Variants in WNT5A observed in about 807,000 individuals in gnomAD.
WNT5A encodes protein Wnt-5a.
A neutral mutation model predicts 42.1 loss-of-function variants in WNT5A; 9 were observed. That is an observed-to-expected ratio of 0.21 (90% CI 0.13 to 0.37). WNT5A has a LOEUF of 0.37. Ranked by LOEUF, WNT5A falls within the 10% of genes least tolerant of loss-of-function variation. The pLI is 1.00. For missense variants in WNT5A, 426 were observed against 534.0 expected, an observed-to-expected ratio of 0.80 and a Z score of 1.99; for synonymous variants, 210 against 210.0, an observed-to-expected ratio of 1.00 and a Z score of 0.00.
intron 4 of WNT5A, among the ~76,000 whole-genome samples, chr3:55,471,518 A>G (rs2051251953): frequency 6.6e-6 from 1 of 152,226 alleles, no homozygotes; most frequent in Non-Finnish European, 1.5e-5. Flanking sequence ...TGTTATAAGG[A>G]TAAAATTAGG....
intron 2 of WNT5A, 139 bp downstream of exon 2, chr3:55,480,646 A>G (rs2051439688): frequency 5.6e-6 from 5 of 900,756 alleles, no homozygotes; most frequent in Non-Finnish European, 7.6e-6. Flanking sequence ...TTAAAACTAT[A>G]TATAAGTAAA....
chr3:55,473,520 G>A (rs1459492607), intron 4 of WNT5A, among the ~76,000 whole-genome samples: 1 of 152,202 alleles, frequency 6.6e-6, no homozygotes, highest in Non-Finnish European at 1.5e-5. Flanking sequence ...CCCACCAGGG[G>A]AAGGAAAGAG....
In WNT5A at chr3:55,468,622, A is replaced by ATATATTTATATT. The variant is rs538418882; in HGVS notation, c.*1458_*1469dup. 2 of 150,220 alleles carry ATATATTTATATT rather than the reference A, an allele frequency of 1.3e-5. No homozygotes were observed. Among genetic ancestry groups the ATATATTTATATT allele is most frequent in the African/African-American group, 2.4e-5 (1 of 41,094 alleles). The allele number at this position is 150,220 out of a possible 1,614,324, so 9.3% of individuals were successfully genotyped here. On this transcript the variant is annotated 3_prime_UTR_variant, in exon 5 of 5. Coordinates refer to ENST00000264634, the MANE Select transcript of WNT5A (RefSeq NM_003392.7). ...AATCTAAATCACTGGCTGCAATGAG[A>ATATATTTATATT]TATATTTATATTTATATTTATATAT...
Position 55,487,011 on chromosome 3 carries a change from G to C in WNT5A, c.-26C>G. 1 of 1,610,636 alleles carries C rather than the reference G, an allele frequency of 6.2e-7. No homozygotes were observed. Among genetic ancestry groups the C allele is most frequent in the Non-Finnish European group, 8.5e-7 (1 of 1,178,556 alleles). On this transcript the variant is annotated 5_prime_UTR_variant, in exon 1 of 5. Transcript: ENST00000264634. Reference sequence around the variant, plus strand: ...GGCGAGGGGGAGGGGGCGCGGGGAGGAAGTCGCCACCCGAGCGAGCGCAGC... The same window carrying C: ...GGCGAGGGGGAGGGGGCGCGGGGAGCAAGTCGCCACCCGAGCGAGCGCAGC...
At chr3:55,492,553 A>G (rs2051671387), upstream of WNT5A, among the ~76,000 whole-genome samples, 1 of 152,158 alleles carries the variant, frequency 6.6e-6, no homozygotes, top group Admixed American at 6.5e-5. Context: ...GAATCTGGAG[A>G]AAAACGAGGA....
At chr3:55,499,174 G>A in the WNT5A span, among the ~76,000 whole-genome samples, 1 of 152,214 alleles carries the variant, frequency 6.6e-6, no homozygotes, top group Non-Finnish European at 1.5e-5. Context: ...TTCCCTGCTG[G>A]GATTTGGATA....
At chr3:55,471,164 G>A (rs1481474362) in intron 4 of WNT5A, among the ~76,000 whole-genome samples, 1 of 152,170 alleles carries the variant, frequency 6.6e-6, no homozygotes, top group African/African-American at 2.4e-5. Flanking sequence ...CTGTGCACCA[G>A]GCACTATAAG....
chr3:55,503,016 C>G, the WNT5A span, among the ~76,000 whole-genome samples: 1 of 152,214 alleles, frequency 6.6e-6, no homozygotes, highest in Non-Finnish European at 1.5e-5. Context: ...GTCCAAAACT[C>G]TTGCTCTCAA....
the WNT5A span, among the ~76,000 whole-genome samples, chr3:55,497,757 C>T: frequency 7.2e-5 from 11 of 151,930 alleles, no homozygotes; most frequent in African/African-American, 2.4e-4. Context: ...AATCAAAAGC[C>T]GTGATTCCTG....
intron 3 of WNT5A, among the ~76,000 whole-genome samples, chr3:55,475,709 G>A (rs1421610164): frequency 6.6e-6 from 1 of 152,066 alleles, no homozygotes; most frequent in East Asian, 1.9e-4. Flanking sequence ...GGGAAAAGAG[G>A]GAGGGAGAAG....
chr3:55,472,878 T>A (rs2051279114), intron 4 of WNT5A, among the ~76,000 whole-genome samples: 1 of 152,190 alleles, frequency 6.6e-6, no homozygotes, highest in South Asian at 2.1e-4. Flanking sequence ...TTAAACCAAA[T>A]GAAATTGTTA....
rs2051150851 is a variant in WNT5A at position 55,466,756 on chromosome 3, G to A, written c.*3336C>T. 6.6e-6 allele frequency: 1 copy of A among 152,558 alleles called. No individual in the cohort carries two copies. Among genetic ancestry groups the A allele is most frequent in the Non-Finnish European group, 1.5e-5 (1 of 68,012 alleles). The allele number at this position is 152,558 out of a possible 1,614,324, so 9.5% of individuals were successfully genotyped here. On this transcript the variant is annotated 3_prime_UTR_variant, in exon 5 of 5. Transcript: ENST00000264634. ...ATCGGGTATATGTTTTTGCAATAAA[G>A]AACACTGGTCAATATACAACTGAGG...
In WNT5A at chr3:55,483,017, C is replaced by T. The variant is rs1021593862; in HGVS notation, c.7-2099G>A. ...CGCGTGCACTTTCCAAGCTTCGCGGCGAGCGGGGCGCGTGGGGCGGGGCTC... is the reference window on the plus strand; with the variant it reads ...CGCGTGCACTTTCCAAGCTTCGCGGTGAGCGGGGCGCGTGGGGCGGGGCTC... On this transcript the variant is annotated intron_variant, in intron 1 of 4. Transcript: ENST00000264634. The surrounding 1 kb of genome is among the most constrained non-coding windows in gnomAD (Gnocchi z 4.2). Among the ~76,000 whole-genome samples, 4 of 152,214 alleles carry T rather than the reference C, an allele frequency of 2.6e-5. No homozygotes were observed. The highest frequency in any genetic ancestry group is 7.2e-5 in the African/African-American group (3 of 41,466).
intron 1 of WNT5A, among the ~76,000 whole-genome samples, chr3:55,482,805 G>A (rs931745390): frequency 5.3e-5 from 8 of 152,208 alleles, no homozygotes; most frequent in African/African-American, 1.4e-4. Flanking sequence ...CCAGGGGAGG[G>A]AGTGGGCTGC....
chr3:55,484,811 T>G (rs1196819551), intron 1 of WNT5A, among the ~76,000 whole-genome samples: 1 of 152,036 alleles, frequency 6.6e-6, no homozygotes, highest in Non-Finnish European at 1.5e-5. Flanking sequence ...GCAGAGTCCT[T>G]GGACAGAGGA....
the WNT5A span, among the ~76,000 whole-genome samples, chr3:55,499,178 T>C: frequency 2.6e-5 from 4 of 152,332 alleles, no homozygotes; most frequent in East Asian, 7.7e-4. Flanking sequence ...CTGCTGGGAT[T>C]TGGATAGCCT....
the WNT5A span, among the ~76,000 whole-genome samples, chr3:55,499,577 A>G: frequency 6.6e-6 from 1 of 152,220 alleles, no homozygotes. Context: ...CATAATTTAA[A>G]TGGTTTAAGT....
At chr3:55,480,595 A>G (rs1208951996) in intron 2 of WNT5A, among the ~76,000 whole-genome samples, 190 bp downstream of exon 2, 2 of 152,218 alleles carry the variant, frequency 1.3e-5, no homozygotes, top group Non-Finnish European at 2.9e-5. Context: ...GGAGCTGAAG[A>G]TAAGCTTTAC....
chr3:55,469,494 T>A lies in WNT5A; in HGVS notation c.*598A>T, dbSNP rs3773606. On this transcript the variant is annotated 3_prime_UTR_variant, in exon 5 of 5. Transcript: ENST00000264634. ...GAATGAGACATGTGATATACCTTTT[T>A]TCCTTGAGAATATGACATTCTTGTC... 19,653 of 152,548 alleles carry A rather than the reference T, an allele frequency of 0.13. 1,528 individuals carry two copies. Among genetic ancestry groups the A allele is most frequent in the African/African-American group, 0.22 (9,102 of 41,526 alleles). The allele number at this position is 152,548 out of a possible 1,614,324, so 9.4% of individuals were successfully genotyped here. A position where few individuals can be genotyped will look rare whatever the true frequency, so the allele number is the denominator to read the frequency against.
Sources: allele counts gnomAD v4.1 joint callset (sites outside exome capture counted in the v4.1 genomes callset), GRCh38; gene constraint gnomAD v4.1.1; non-coding constraint Gnocchi (gnomAD v3.1); transcripts MANE v1.5; gene names NCBI Gene and HGNC (gene_info 2026-07-23, HGNC 2026-07-21).